Variants in NRDE2 observed in about 807,000 individuals in gnomAD.
The protein encoded by NRDE2 is NRDE-2, necessary for RNA interference, domain containing, also known as nuclear exosome regulator NRDE2.
In NRDE2, 76 loss-of-function variants were observed where a neutral mutation model predicts 124.2. The ratio of observed to expected loss-of-function variants is 0.61; its 90% CI spans 0.51 to 0.74. The LOEUF is 0.74. Among genes scored for constraint, NRDE2 ranks in the 30% least tolerant of loss-of-function variants. The pLI, the probability that NRDE2 is intolerant of heterozygous loss-of-function variation, is 0.00. For missense variants in NRDE2, 1,314 were observed against 1,417.3 expected (o/e 0.93, Z 1.17); for synonymous variants, 489 against 528.1 (o/e 0.93, Z 1.01).
rs1885112838 is a variant in NRDE2 at position 90,318,101 on chromosome 14, A to G, written c.77T>C (p.Leu26Pro). ...TCCAACACAAAAGCTTGGGTTGCTC[A>G]GCCAGTCTAACTCTGCACAGGCAAA... ...GGSSRKELDWLSNPSFCVGSI... is the reference protein window; with the variant it reads ...GGSSRKELDWPSNPSFCVGSI... The change falls in exon 2 of 14, where the codon CTG becomes CCG. Residue 26 changes from leucine (L) to proline (P), a missense_variant. Transcript: ENST00000354366. 6.2e-7 allele frequency: 1 copy of G among 1,613,620 alleles called. No homozygotes were observed. Among genetic ancestry groups the G allele is most frequent in the Non-Finnish European group, 8.5e-7 (1 of 1,179,748 alleles).
chr14:90,323,744 A>C (rs1885321193), intron 1 of NRDE2, among the ~76,000 whole-genome samples: 1 of 152,222 alleles, frequency 6.6e-6, no homozygotes. Context: ...CAAAGGTATT[A>C]TATAAAGGAC....
At chr14:90,293,536 C>T (rs1462582660) in intron 8 of NRDE2, among the ~76,000 whole-genome samples, 2 of 152,218 alleles carry the variant, frequency 1.3e-5, no homozygotes, top group Non-Finnish European at 2.9e-5. Flanking sequence ...GGGCATGAGT[C>T]ACCAGGCCTG....
At chr14:90,291,868 G>A (rs1479091023) in intron 9 of NRDE2, among the ~76,000 whole-genome samples, 1 of 152,298 alleles carries the variant, frequency 6.6e-6, no homozygotes, top group African/African-American at 2.4e-5. Context: ...AGGATTCACC[G>A]AGTGCTCACC....
At position 90,303,115 on chromosome 14, in the gene NRDE2, A is replaced by T. The variant is rs763291260; in HGVS notation, c.1016T>A (p.Met339Lys). The T allele has an allele frequency of 6.2e-7, 1 of 1,612,580 alleles. No individual in the cohort carries two copies. Among genetic ancestry groups the T allele is most frequent in the Non-Finnish European group, 8.5e-7 (1 of 1,179,254 alleles). Residue 339 changes from methionine to lysine, a missense_variant, in exon 6 of 14, where the codon ATG becomes AAG. Met to Lys is a moderately conservative substitution (Grantham distance 95). Transcript: ENST00000354366. ...MAFVAFQDEV[M>K]KSPGLYAIEE... ...GATGGCATACAGGCCAGGACTTTTC[A>T]TGACCTCGTCCTCAACAACAAAAAC...
At chr14:90,295,121 T>C (rs935095163) in intron 8 of NRDE2, among the ~76,000 whole-genome samples, 1 of 152,178 alleles carries the variant, frequency 6.6e-6, no homozygotes, top group African/African-American at 2.4e-5. Context: ...GAAATGTGAA[T>C]GAACTGCAGA....
intron 6 of NRDE2, 140 bp from the exon 7 acceptor site, chr14:90,301,512 T>C (rs3742667): frequency 0.36 from 258,058 of 722,288 alleles, 50,180 homozygotes; most frequent in East Asian, 0.51. Flanking sequence ...CTGTGATACA[T>C]GTCTTGATTT....
In NRDE2 at chr14:90,288,799, T is replaced by TAG. The variant is rs1566685419; in HGVS notation, c.2574_2575dup (p.Tyr859SerfsTer15). 1.2e-6 allele frequency: 2 copies of TAG among 1,613,984 alleles called. No individual in the cohort carries two copies. The highest frequency in any genetic ancestry group is 1.7e-5 in the Admixed American group (1 of 60,006). ...CAACACCTGTCCAGTGTAGGGCCCA[T>TAG]AGGGGCTGCTCTCAGTCAGCTTGGT... On this transcript the variant is annotated frameshift_variant, in exon 11 of 14. Transcript: ENST00000354366. LOFTEE classifies it high-confidence loss of function.
At chr14:90,327,788 A>G (rs979564380) in intron 1 of NRDE2, among the ~76,000 whole-genome samples, 1 of 152,190 alleles carries the variant, frequency 6.6e-6, no homozygotes, top group Non-Finnish European at 1.5e-5. Context: ...GCTTGAGGTC[A>G]GGAGTTCGAG....
Position 90,304,399 on chromosome 14 carries a change from A to G in NRDE2, c.558-17T>C. 6.4e-7 allele frequency: 1 copy of G among 1,555,440 alleles called. No homozygotes were observed. The highest frequency in any genetic ancestry group is 8.7e-7 in the Non-Finnish European group (1 of 1,152,860). ...CTCTTGTATCTGATATTAGAAAAAG[A>G]AAAAAAGTTACTGAGGGAATACGTG... On this transcript the variant is annotated splice_polypyrimidine_tract_variant and intron_variant, in intron 4 of 13. Transcript: ENST00000354366.
intron 3 of NRDE2, among the ~76,000 whole-genome samples, chr14:90,314,125 T>G (rs1040745480): frequency 2.0e-5 from 3 of 152,168 alleles, no homozygotes; most frequent in Non-Finnish European, 4.4e-5. Context: ...CTGGGCTGTG[T>G]GCAAGGAAGG....
intron 12 of NRDE2, among the ~76,000 whole-genome samples, chr14:90,284,162 C>G (rs956143216): frequency 1.5e-4 from 23 of 152,096 alleles, no homozygotes; most frequent in African/African-American, 5.6e-4. Flanking sequence ...GAGAGACACA[C>G]CCGATGAATT....
At chr14:90,308,522 G>A (rs960750933) in intron 4 of NRDE2, among the ~76,000 whole-genome samples, 14 of 152,112 alleles carry the variant, frequency 9.2e-5, no homozygotes, top group African/African-American at 3.1e-4. Context: ...ATGATTGGGG[G>A]TGGGAGGGAG....
At position 90,276,271 on chromosome 14, in the gene NRDE2, T is replaced by C. The variant is rs1891802696; in HGVS notation, c.*2065A>G. On this transcript the variant is annotated 3_prime_UTR_variant, in exon 14 of 14. Transcript: ENST00000354366. ...TCTTGCTGTGTCGCCCAGGCTGGAG[T>C]GCAGTGGCGCGATCTTGGCTCACTG... 1.5e-5 allele frequency: 2 copies of C among 135,590 alleles called. No individual in the cohort carries two copies. The highest frequency in any genetic ancestry group is 2.3e-4 in the South Asian group (1 of 4,262). 8.4% of individuals were successfully genotyped at this position (135,590 alleles called of 1,614,324 possible).
At chr14:90,297,468 C>A (rs1412463420) in intron 8 of NRDE2, among the ~76,000 whole-genome samples, 1 of 151,994 alleles carries the variant, frequency 6.6e-6, no homozygotes, top group Non-Finnish European at 1.5e-5. Context: ...TTCTATTGGG[C>A]AGCTCTGTAT....
At chr14:90,284,123 C>T (rs994295788) in intron 12 of NRDE2, among the ~76,000 whole-genome samples, 2 of 152,118 alleles carry the variant, frequency 1.3e-5, no homozygotes, top group Non-Finnish European at 2.9e-5. Context: ...CCCCTCAGGC[C>T]TTCAGTGCCT....
Position 90,290,510 on chromosome 14 carries a change from G to A in NRDE2, c.1940C>T (p.Pro647Leu). The A allele has an allele frequency of 6.2e-7, 1 of 1,613,990 alleles. No homozygotes were observed. Among genetic ancestry groups the A allele is most frequent in the Non-Finnish European group, 8.5e-7 (1 of 1,179,998 alleles). The change falls in exon 10 of 14, where the codon CCT (proline) becomes CTT (leucine). Residue 647 changes from proline (P) to leucine (L), a missense_variant. Coordinates refer to ENST00000354366, the MANE Select transcript of NRDE2 (RefSeq NM_017970.4). ...GGAGGCTGGAGGAGTAAAGCCAGAA[G>A]GCACACCCAAGAACTGCAGGAAGGC... is the stretch of plus-strand genomic sequence containing the variant. ...VEAFLQFLGVPSGFTPPASCL... is the reference protein window; with the variant it reads ...VEAFLQFLGVLSGFTPPASCL...
rs1305309019 is a variant in NRDE2 at position 90,317,889 on chromosome 14, TTAAG to T, written c.173+112_173+115del. On this transcript the variant is annotated intron_variant, in intron 2 of 13. Transcript: ENST00000354366. ...AATAGTCAAAGATCACCTTATTACT[TTAAG>T]TAAGAGTTTTACATACCTCTTTTAT... 6.0e-6 allele frequency: 4 copies of T among 671,544 alleles called. No individual in the cohort carries two copies. In the Admixed American group the frequency reaches 9.3e-5, roughly 16 times the overall value. The allele number at this position is 671,544 out of a possible 1,614,324, so 41.6% of individuals were successfully genotyped here.
chr14:90,299,929 C>T (rs1037620127), intron 7 of NRDE2, among the ~76,000 whole-genome samples: 1 of 152,152 alleles, frequency 6.6e-6, no homozygotes, highest in Non-Finnish European at 1.5e-5. Flanking sequence ...ACGGTAACAA[C>T]GTCTCTCAGT....
intron 13 of NRDE2, 200 bp downstream of exon 13, chr14:90,278,862 G>A (rs1891874155): frequency 1.6e-6 from 1 of 638,782 alleles, no homozygotes; most frequent in Non-Finnish European, 2.9e-6. Context: ...TGAAGCACCA[G>A]CCCCAGGTAG....
Sources: gnomAD v4.1 joint callset for allele counts (sites outside exome capture counted in the v4.1 genomes callset) on GRCh38, gnomAD v4.1.1 for gene constraint, MANE v1.5 for transcripts, NCBI Gene and HGNC (gene_info 2026-07-23, HGNC 2026-07-21) for gene names.